FRMPD4: variants seen among roughly 807,000 people sequenced by gnomAD.
FRMPD4 encodes FERM and PDZ domain containing 4.
Under a neutral mutation model 94.1 loss-of-function variants are expected in FRMPD4, and 22 were observed. That is an observed-to-expected ratio of 0.23 (90% CI 0.17 to 0.33). FRMPD4 has a LOEUF of 0.33. Ranked by LOEUF, FRMPD4 falls within the 10% of genes least tolerant of loss-of-function variation. FRMPD4 has a pLI of 1.00. For missense variants in FRMPD4, 1,111 were observed against 1,339.9 expected, an observed-to-expected ratio of 0.83 and a Z score of 2.67; for synonymous variants, 631 against 548.6, an observed-to-expected ratio of 1.15 and a Z score of -2.10.
intron 1 of FRMPD4, among the ~76,000 whole-genome samples, chrX:12,215,623 A>G (rs1390795422): frequency 8.9e-6 from 1 of 111,970 alleles, no homozygotes; most frequent in Non-Finnish European, 1.9e-5. Context: ...TTTAAGATGG[A>G]TGAGGAAACT....
chrX:12,439,870 G>C (rs893494967), intron 1 of FRMPD4, among the ~76,000 whole-genome samples: 11 of 111,738 alleles, frequency 9.8e-5, no homozygotes, highest in African/African-American at 3.6e-4. Flanking sequence ...GTTTGCATTA[G>C]TTTGATGACT....
chrX:12,603,402 A>AGCAATTATTT (rs1240530122), intron 2 of FRMPD4, among the ~76,000 whole-genome samples: 1 of 112,097 alleles, frequency 8.9e-6, no homozygotes, highest in Non-Finnish European at 1.9e-5. Flanking sequence ...TACTAGTCAA[A>AGCAATTATTT]GCAATTATTT....
chrX:12,605,884 A>G (rs1399738348), intron 2 of FRMPD4, among the ~76,000 whole-genome samples: 1 of 111,019 alleles, frequency 9.0e-6, no homozygotes, highest in African/African-American at 3.3e-5. Flanking sequence ...TCTTCCATCT[A>G]TTTTACTAAT....
intron 1 of FRMPD4, among the ~76,000 whole-genome samples, chrX:12,411,775 G>A (rs890145607): frequency 3.8e-4 from 42 of 111,142 alleles, no homozygotes; most frequent in African/African-American, 1.2e-3. Context: ...GGCTTCCATC[G>A]TCAGTGTCAC....
At chrX:12,317,585 C>CAAAAAAAAAAAAAAAAA (rs376884335) in intron 1 of FRMPD4, among the ~76,000 whole-genome samples, 65 of 42,248 alleles carry the variant, frequency 1.5e-3, no homozygotes, top group East Asian at 4.0e-3. Context: ...AACTAAATAG[C>CAAAAAAAAAAAAAAAAA]AAAAAAAAAA....
At chrX:12,258,575 C>T (rs1316809217) in intron 1 of FRMPD4, among the ~76,000 whole-genome samples, 1 of 111,478 alleles carries the variant, frequency 9.0e-6, no homozygotes. Flanking sequence ...TCAAAGTGAA[C>T]TAAGACAACG....
chrX:12,082,053 G>A (rs1474622174), intron 3 of FRMPD4, among the ~76,000 whole-genome samples: 13 of 111,967 alleles, frequency 1.2e-4, no homozygotes, highest in Non-Finnish European at 1.9e-5. Flanking sequence ...ATTATAATAT[G>A]AGATGCAATT....
chrX:12,019,086 GATAA>G (rs2054619194), intron 3 of FRMPD4, among the ~76,000 whole-genome samples: 1 of 110,568 alleles, frequency 9.0e-6, no homozygotes, highest in African/African-American at 3.3e-5. Context: ...CACTAAGTGA[GATAA>G]ATAAAGAACT....
At chrX:12,079,567 C>T (rs1175822251) in intron 3 of FRMPD4, among the ~76,000 whole-genome samples, 1 of 111,873 alleles carries the variant, frequency 8.9e-6, no homozygotes, top group Non-Finnish European at 1.9e-5. Context: ...AGTCCTCAGA[C>T]ACATGTTTGG....
intron 4 of FRMPD4, among the ~76,000 whole-genome samples, chrX:12,647,692 T>C (rs978303234): frequency 8.9e-6 from 1 of 112,127 alleles, no homozygotes; most frequent in South Asian, 3.8e-4. Context: ...TCTGAGCCCT[T>C]GCCCTTCTCT....
chrX:12,396,577 A>C (rs912822500), intron 1 of FRMPD4, among the ~76,000 whole-genome samples: 14 of 112,259 alleles, frequency 1.2e-4, no homozygotes, highest in African/African-American at 4.2e-4. Flanking sequence ...TGTGTGTATA[A>C]TTAAATGTTT....
At chrX:12,197,971 A>G (rs2056585194) in intron 1 of FRMPD4, among the ~76,000 whole-genome samples, 1 of 112,282 alleles carries the variant, frequency 8.9e-6, no homozygotes. Flanking sequence ...GTCTTTTAAC[A>G]TATAAACCCA....
intron 1 of FRMPD4, among the ~76,000 whole-genome samples, chrX:12,352,354 A>G (rs1295991891): frequency 1.8e-5 from 2 of 112,410 alleles, no homozygotes. Flanking sequence ...GTGTGTGACC[A>G]GTCAAAATAT....
chrX:12,193,828 AGG>A (rs1569186728), intron 1 of FRMPD4, among the ~76,000 whole-genome samples: 9 of 35,609 alleles, frequency 2.5e-4, no homozygotes, highest in Non-Finnish European at 4.0e-4. Context: ...GGAAGGAAGG[AGG>A]GAAGGAAGAA....
intron 1 of FRMPD4, among the ~76,000 whole-genome samples, chrX:12,360,961 A>AAG (rs2055979331): frequency 9.4e-6 from 1 of 106,459 alleles, no homozygotes; most frequent in African/African-American, 3.6e-5. Context: ...TGAAAAGAAA[A>AAG]AAAAAAAAAA....
intron 1 of FRMPD4, among the ~76,000 whole-genome samples, chrX:12,429,622 T>C (rs989674025): frequency 3.6e-5 from 4 of 112,252 alleles, no homozygotes; most frequent in Non-Finnish European, 7.5e-5. Context: ...TTCTTATTAT[T>C]GTTTTTACAT....
At chrX:12,445,070 C>T (rs1306667880) in intron 1 of FRMPD4, among the ~76,000 whole-genome samples, 2 of 112,043 alleles carry the variant, frequency 1.8e-5, no homozygotes, top group African/African-American at 6.5e-5. Flanking sequence ...GTTTAGCTGG[C>T]TCCAGGGCTT....
At chrX:12,502,485 A>G (rs1389846827) in intron 2 of FRMPD4, among the ~76,000 whole-genome samples, 5 of 111,107 alleles carry the variant, frequency 4.5e-5, no homozygotes, top group Non-Finnish European at 9.5e-5. Flanking sequence ...CCCAATGAGA[A>G]ATGGATAAAA....
chrX:12,106,773 T>C (rs2055302330), intron 3 of FRMPD4, among the ~76,000 whole-genome samples: 1 of 110,793 alleles, frequency 9.0e-6, no homozygotes, highest in Non-Finnish European at 1.9e-5. Flanking sequence ...GCTCAGAGGG[T>C]CCCACACCCA....
Sources: gnomAD v4.1 joint callset for allele counts (sites outside exome capture counted in the v4.1 genomes callset) on GRCh38, gnomAD v4.1.1 for gene constraint, MANE v1.5 for transcripts, NCBI Gene and HGNC (gene_info 2026-07-23, HGNC 2026-07-21) for gene names.